Variants in TMEM165 observed in about 807,000 individuals in gnomAD.
The protein encoded by TMEM165 is transmembrane protein 165, also known as putative divalent cation/proton antiporter TMEM165.
Under a neutral mutation model 30.0 loss-of-function variants are expected in TMEM165, and 19 were observed. The ratio of observed to expected loss-of-function variants is 0.63; its 90% CI spans 0.44 to 0.93. The LOEUF (loss-of-function observed/expected upper bound fraction) is 0.93, where lower values mean the gene tolerates loss of function less well. Ranked by LOEUF, TMEM165 falls within the 40% of genes least tolerant of loss-of-function variation. The pLI is 0.00. For missense variants in TMEM165, 340 were observed against 417.0 expected (o/e 0.82, Z 1.61); for synonymous variants, 168 against 162.9 (o/e 1.03, Z -0.24).
At chr4:55,420,106 A>AAAAAAAAAAAAATAT (rs1474254120) in intron 4 of TMEM165, among the ~76,000 whole-genome samples, 11 of 45,430 alleles carry the variant, frequency 2.4e-4, no homozygotes, top group Non-Finnish European at 3.7e-4. Flanking sequence ...AAGAAAAAAA[A>AAAAAAAAAAAAATAT]ATATATATAT....
chr4:55,406,860 C>G (rs1560389848), intron 1 of TMEM165, among the ~76,000 whole-genome samples: 1 of 152,172 alleles, frequency 6.6e-6, no homozygotes, highest in Non-Finnish European at 1.5e-5. Flanking sequence ...CAGGGTCTCA[C>G]TTTGTTGCCC....
chr4:55,450,329 T>C, intron 3 of TMEM165: 1 of 1,477,766 alleles, frequency 6.8e-7, no homozygotes, highest in Non-Finnish European at 9.4e-7. Context: ...TCAGTTTTTG[T>C]CTATAACAAG....
chr4:55,419,138 C>T (rs504836), intron 4 of TMEM165, among the ~76,000 whole-genome samples: 111,672 of 152,116 alleles, frequency 0.73, 42,477 homozygotes, highest in East Asian at 0.98. Context: ...TCGTTGCGTA[C>T]TGCTATTATG....
At chr4:55,427,644 C>T (rs1004108266), downstream of TMEM165, among the ~76,000 whole-genome samples, 1 of 152,160 alleles carries the variant, frequency 6.6e-6, no homozygotes, top group African/African-American at 2.4e-5. Context: ...CGCACCCAAC[C>T]GTTTTTTCTA....
chr4:55,396,481 C>T, intron 1 of TMEM165, 85 bp downstream of exon 1: 1 of 1,190,546 alleles, frequency 8.4e-7, no homozygotes, highest in Non-Finnish European at 1.1e-6. Context: ...GCGCCGCACT[C>T]CGCCGGCCTC....
intron 3 of TMEM165, among the ~76,000 whole-genome samples, chr4:55,437,440 TTTCTC>T (rs1411551645): frequency 2.0e-5 from 3 of 152,200 alleles, no homozygotes; most frequent in African/African-American, 7.2e-5. Flanking sequence ...GTTTTGTACA[TTTCTC>T]TGCTGAGGAT....
At chr4:55,413,226 C>T (rs1721586353) in intron 2 of TMEM165, among the ~76,000 whole-genome samples, 1 of 152,126 alleles carries the variant, frequency 6.6e-6, no homozygotes, top group African/African-American at 2.4e-5. Context: ...GCTATCTTTC[C>T]ACCTTAGCCT....
chr4:55,407,228 G>T (rs1309413964), intron 1 of TMEM165, among the ~76,000 whole-genome samples: 5 of 152,240 alleles, frequency 3.3e-5, no homozygotes, highest in Middle Eastern at 3.4e-3. Flanking sequence ...CGAAAAGGAG[G>T]TGGGAAGGGA....
intron 4 of TMEM165, among the ~76,000 whole-genome samples, chr4:55,422,616 A>T (rs1242449707): frequency 6.6e-6 from 1 of 151,670 alleles, no homozygotes; most frequent in East Asian, 2.0e-4. Flanking sequence ...TAGTTCATCA[A>T]TTGTGGGAGA....
chr4:55,405,748 G>C (rs1721241918), intron 1 of TMEM165, among the ~76,000 whole-genome samples: 1 of 152,022 alleles, frequency 6.6e-6, no homozygotes, highest in Non-Finnish European at 1.5e-5. Flanking sequence ...CCTCCTGATT[G>C]ATCCAGTGGC....
At chr4:55,408,093 A>G (rs1721343966) in intron 1 of TMEM165, among the ~76,000 whole-genome samples, 1 of 152,228 alleles carries the variant, frequency 6.6e-6, no homozygotes, top group Admixed American at 6.5e-5. Flanking sequence ...CAGTGAAGGA[A>G]TGGTAATGGA....
chr4:55,406,769 C>G (rs1265988716), intron 1 of TMEM165, among the ~76,000 whole-genome samples: 2 of 152,058 alleles, frequency 1.3e-5, no homozygotes, highest in African/African-American at 4.8e-5. Flanking sequence ...AAGCGATCCT[C>G]TCACCTCACA....
At chr4:55,429,208 T>C (rs1329146213), downstream of TMEM165, 1 of 152,176 alleles carries the variant, frequency 6.6e-6, no homozygotes, top group Non-Finnish European at 1.5e-5. Flanking sequence ...TCCTAAGAAA[T>C]TTAAAAGCTT....
intron 3 of TMEM165, chr4:55,438,548 A>G: frequency 6.2e-7 from 1 of 1,612,804 alleles, no homozygotes; most frequent in Non-Finnish European, 8.5e-7. Flanking sequence ...CTGTTAGAAG[A>G]AAGAAGGAAA....
Position 55,417,922 on chromosome 4 carries a change from A to G in TMEM165, c.729A>G (p.Leu243=). Residue 243 remains leucine (L), a synonymous_variant, in exon 4 of 6, where the codon TTA becomes TTG. Coordinates refer to ENST00000381334, the MANE Select transcript of TMEM165 (RefSeq NM_018475.5). Reference sequence around the variant, plus strand: ...CCATTTTTGTTCAAGCTCTTACATTAACATTCTTAGCAGAATGGGGTGATC... The same window carrying G: ...CCATTTTTGTTCAAGCTCTTACATTGACATTCTTAGCAGAATGGGGTGATC... ...ISPIFVQALT[L]TFLAEWGDRS... 6.2e-7 allele frequency: 1 copy of G among 1,614,114 alleles called. No homozygotes were observed. Among genetic ancestry groups the G allele is most frequent in the Non-Finnish European group, 8.5e-7 (1 of 1,179,986 alleles).
At chr4:55,429,168 T>C (rs917092975), downstream of TMEM165, 1 of 152,204 alleles carries the variant, frequency 6.6e-6, no homozygotes, top group African/African-American at 2.4e-5. Flanking sequence ...CATTTGAATG[T>C]CATTTTTAAA....
At position 55,425,542 on chromosome 4, in the gene TMEM165, A is replaced by G; in HGVS notation, c.*90A>G. The G allele has an allele frequency of 9.7e-7, 1 of 1,034,234 alleles. No individual in the cohort carries two copies. The highest frequency in any genetic ancestry group is 1.4e-5 in the South Asian group (1 of 69,078). The allele number at this position is 1,034,234 out of a possible 1,614,324, so 64.1% of individuals were successfully genotyped here. A position where few individuals can be genotyped will look rare whatever the true frequency, so the allele number is the denominator to read the frequency against. On this transcript the variant is annotated 3_prime_UTR_variant, in exon 6 of 6. Transcript: ENST00000381334. Reference sequence around the variant, plus strand: ...CATTACAACTAAAAGTGATGGAAAAATACTGTATTTTGTAGCACTGATTTT... The same window carrying G: ...CATTACAACTAAAAGTGATGGAAAAGTACTGTATTTTGTAGCACTGATTTT...
intron 3 of TMEM165, chr4:55,443,800 T>C (rs372671960): frequency 7.4e-6 from 12 of 1,613,958 alleles, no homozygotes; most frequent in Admixed American, 1.7e-5. Flanking sequence ...TGGCCTTGCA[T>C]ATTTATAGGT....
chr4:55,430,389 T>G (rs1387624421), downstream of TMEM165: 1 of 152,136 alleles, frequency 6.6e-6, no homozygotes, highest in African/African-American at 2.4e-5. Flanking sequence ...TGTTATGACA[T>G]AGGGGGAAAA....
Sources: gnomAD v4.1 joint callset for allele counts (sites outside exome capture counted in the v4.1 genomes callset) on GRCh38, gnomAD v4.1.1 for gene constraint, MANE v1.5 for transcripts, NCBI Gene and HGNC (gene_info 2026-07-23, HGNC 2026-07-21) for gene names.